PTPRO: variants seen among roughly 807,000 people sequenced by gnomAD.
The protein encoded by PTPRO is receptor-type tyrosine-protein phosphatase O.
In PTPRO, 62 loss-of-function variants were observed where a neutral mutation model predicts 145.2. The ratio of observed to expected loss-of-function variants is 0.43; its 90% CI spans 0.35 to 0.53. PTPRO has a LOEUF of 0.53. PTPRO is among the 20% of genes least tolerant of loss of function. The probability of loss-of-function intolerance (pLI) is 0.01; values close to 1 mark genes in which losing one functional copy is unlikely to be tolerated. For synonymous variants in PTPRO, 565 were observed against 514.7 expected (o/e 1.10, Z -1.32); for missense variants, 1,345 against 1,482.7 (o/e 0.91, Z 1.53).
At chr12:15,556,072 G>A (rs1943615948) in intron 15 of PTPRO, among the ~76,000 whole-genome samples, 1 of 152,146 alleles carries the variant, frequency 6.6e-6, no homozygotes, top group Non-Finnish European at 1.5e-5. Flanking sequence ...GGACTGCTAA[G>A]TTTAGTCACA....
intron 12 of PTPRO, among the ~76,000 whole-genome samples, chr12:15,542,779 A>G (rs929739220): frequency 6.6e-6 from 1 of 152,172 alleles, no homozygotes; most frequent in Non-Finnish European, 1.5e-5. Context: ...CTTTTCTCAC[A>G]CTAGGTCTTT....
chr12:15,338,226 T>G lies in PTPRO; in HGVS notation c.75+15425T>G, dbSNP rs144368892. On this transcript the variant is annotated intron_variant, in intron 1 of 26. Transcript: ENST00000281171. ...AACTTCGTATAAATCTGTAGTTATC[T>G]CCAGGAAAAATGTTTTTAAAAACTT... Among the ~76,000 whole-genome samples, 1,156 of 152,308 alleles carry G rather than the reference T, an allele frequency of 7.6e-3. 9 individuals carry two copies. The highest frequency in any genetic ancestry group is 0.026 in the African/African-American group (1,064 of 41,586).
chr12:15,466,321 T>G (rs1941414438), intron 1 of PTPRO, among the ~76,000 whole-genome samples: 1 of 151,964 alleles, frequency 6.6e-6, no homozygotes, highest in Non-Finnish European at 1.5e-5. Flanking sequence ...GTAATCATTC[T>G]GATTCAGTTA....
chr12:15,540,491 G>A (rs1260118526), intron 12 of PTPRO, among the ~76,000 whole-genome samples: 2 of 152,188 alleles, frequency 1.3e-5, no homozygotes, highest in African/African-American at 4.8e-5. Context: ...TTTGTAAAAT[G>A]ACTCACCACG....
At chr12:15,389,931 C>T (rs1242536044) in intron 1 of PTPRO, among the ~76,000 whole-genome samples, 1 of 152,158 alleles carries the variant, frequency 6.6e-6, no homozygotes, top group Non-Finnish European at 1.5e-5. Flanking sequence ...CTAGATCCCA[C>T]ACCAAAGCAG....
chr12:15,508,789 TG>T, intron 7 of PTPRO, 22 bp downstream of exon 7: 1 of 1,591,920 alleles, frequency 6.3e-7, no homozygotes, highest in Non-Finnish European at 8.6e-7. Flanking sequence ...GAAATGAGAA[TG>T]GGCTCGCCGG....
At chr12:15,362,144 A>C (rs1938230096) in intron 1 of PTPRO, among the ~76,000 whole-genome samples, 1 of 152,146 alleles carries the variant, frequency 6.6e-6, no homozygotes, top group Non-Finnish European at 1.5e-5. Flanking sequence ...ATTTAAGGGG[A>C]TGTTGCCATT....
intron 1 of PTPRO, among the ~76,000 whole-genome samples, chr12:15,344,001 T>C (rs1867107541): frequency 6.6e-6 from 1 of 152,206 alleles, no homozygotes; most frequent in Non-Finnish European, 1.5e-5. Flanking sequence ...AACAATCTTT[T>C]TAAGAAAAGT....
At chr12:15,462,846 C>T (rs1234811779) in intron 1 of PTPRO, among the ~76,000 whole-genome samples, 8 of 152,018 alleles carry the variant, frequency 5.3e-5, no homozygotes, top group East Asian at 3.9e-4. Context: ...ATTATAATTA[C>T]CTGATAACTA....
chr12:15,435,499 CT>C (rs1161631725), intron 1 of PTPRO, among the ~76,000 whole-genome samples: 1 of 151,458 alleles, frequency 6.6e-6, no homozygotes, highest in Non-Finnish European at 1.5e-5. Flanking sequence ...ATCTGTTGTT[CT>C]TTTGGCATTT....
intron 14 of PTPRO, among the ~76,000 whole-genome samples, 187 bp from the exon 15 acceptor site, chr12:15,551,364 T>A (rs1325082953): frequency 6.6e-6 from 1 of 152,214 alleles, no homozygotes; most frequent in African/African-American, 2.4e-5. Context: ...ATACCACTTA[T>A]CAGTCTAGTT....
chr12:15,420,602 G>A (rs1170841846), intron 1 of PTPRO, among the ~76,000 whole-genome samples: 1 of 149,930 alleles, frequency 6.7e-6, no homozygotes, highest in Non-Finnish European at 1.5e-5. Context: ...GTGATTAGAC[G>A]AAATACTATA....
intron 1 of PTPRO, among the ~76,000 whole-genome samples, chr12:15,456,761 T>C (rs1941187905): frequency 6.6e-6 from 1 of 152,190 alleles, no homozygotes; most frequent in Non-Finnish European, 1.5e-5. Flanking sequence ...TAATTGTTCA[T>C]AGTAGCCTCA....
At chr12:15,340,414 T>A (rs961217167) in intron 1 of PTPRO, among the ~76,000 whole-genome samples, 1 of 152,148 alleles carries the variant, frequency 6.6e-6, no homozygotes, top group African/African-American at 2.4e-5. Context: ...TGGACAGAAA[T>A]GGGGTAGGGA....
chr12:15,549,288 TTTGTA>T, intron 14 of PTPRO, 62 bp downstream of exon 14: 3 of 1,244,432 alleles, frequency 2.4e-6, no homozygotes, highest in Non-Finnish European at 3.2e-6. Context: ...TATATATGTA[TTTGTA>T]TCAATATTCC....
At chr12:15,384,199 T>C (rs1387610755) in intron 1 of PTPRO, among the ~76,000 whole-genome samples, 1 of 152,152 alleles carries the variant, frequency 6.6e-6, no homozygotes, top group African/African-American at 2.4e-5. Context: ...TCCATTCAGT[T>C]GGTTGGGGGC....
chr12:15,358,813 G>A (rs933040740), intron 1 of PTPRO, among the ~76,000 whole-genome samples: 2 of 152,138 alleles, frequency 1.3e-5, no homozygotes, highest in Admixed American at 1.3e-4. Flanking sequence ...ACAAATCCCA[G>A]GCCAACATCG....
intron 1 of PTPRO, among the ~76,000 whole-genome samples, chr12:15,366,965 CATT>C (rs1213430662): frequency 6.6e-6 from 1 of 152,046 alleles, no homozygotes; most frequent in African/African-American, 2.4e-5. Flanking sequence ...AAAGGTCACT[CATT>C]AGTAACAAAA....
chr12:15,347,354 T>A (rs1352016861), intron 1 of PTPRO, among the ~76,000 whole-genome samples: 1 of 152,204 alleles, frequency 6.6e-6, no homozygotes, highest in Non-Finnish European at 1.5e-5. Context: ...TTAATTAAAT[T>A]ACACTGCTAT....
Sources: allele counts gnomAD v4.1 joint callset (sites outside exome capture counted in the v4.1 genomes callset), GRCh38; gene constraint gnomAD v4.1.1; transcripts MANE v1.5; gene names NCBI Gene and HGNC (gene_info 2026-07-23, HGNC 2026-07-21).